The following ZMAT3 variants were observed in gnomAD, a reference collection of about 807,000 sequenced individuals.
ZMAT3 encodes zinc finger matrin-type protein 3.
Under a neutral mutation model 32.3 loss-of-function variants are expected in ZMAT3, and 17 were observed. The ratio of observed to expected loss-of-function variants is 0.53; its 90% confidence interval spans 0.36 to 0.79. The LOEUF (loss-of-function observed/expected upper bound fraction) is 0.79, where lower values mean the gene tolerates loss of function less well. ZMAT3 is among the 30% of genes least tolerant of loss of function. ZMAT3 has a pLI of 0.00. For synonymous variants in ZMAT3, 120 were observed against 133.1 expected, an observed-to-expected ratio of 0.90 and a Z score of 0.68; for missense variants, 329 against 359.7, an observed-to-expected ratio of 0.91 and a Z score of 0.69.
chr3:179,031,242 A>G (rs893119407), intron 2 of ZMAT3, among the ~76,000 whole-genome samples: 5 of 116,858 alleles, frequency 4.3e-5, no homozygotes, highest in Non-Finnish European at 8.4e-5. Context: ...TATGTACAGG[A>G]AAAAAAAAAA....
intron 2 of ZMAT3, among the ~76,000 whole-genome samples, chr3:179,050,696 T>A (rs1720510514): frequency 6.6e-6 from 1 of 152,186 alleles, no homozygotes; most frequent in Non-Finnish European, 1.5e-5. Context: ...ATATCCCTGA[T>A]GAACACAGAT....
At chr3:179,027,968 C>T (rs1013505917) in intron 3 of ZMAT3, among the ~76,000 whole-genome samples, 156 bp from the exon 4 acceptor site, 1 of 152,140 alleles carries the variant, frequency 6.6e-6, no homozygotes, top group Admixed American at 6.5e-5. Flanking sequence ...TCCAGGAAAA[C>T]AAAAAGGCTG....
chr3:179,058,768 AAAAAAG>A (rs887960798), intron 2 of ZMAT3, among the ~76,000 whole-genome samples: 2 of 151,556 alleles, frequency 1.3e-5, no homozygotes, highest in Non-Finnish European at 2.9e-5. Context: ...AAAAAAAAAA[AAAAAAG>A]AAAAAAGAAA....
At chr3:179,026,785 T>G (rs1718899290) in intron 5 of ZMAT3, among the ~76,000 whole-genome samples, 1 of 152,186 alleles carries the variant, frequency 6.6e-6, no homozygotes, top group South Asian at 2.1e-4. Context: ...AAATGACCTC[T>G]GCTGGCATGT....
rs781431185 is a variant in ZMAT3 at position 179,025,976 on chromosome 3, TATA to T, written c.659-751_659-749del. Among the ~76,000 whole-genome samples, 3 of 152,314 alleles carry T rather than the reference TATA, an allele frequency of 2.0e-5. No homozygotes were observed. In the East Asian group the frequency reaches 5.8e-4, roughly 29 times the overall value. On this transcript the variant is annotated intron_variant, in intron 5 of 5. Transcript: ENST00000311417. ...TTAACTTTATGCTTTTCACTTCCAC[TATA>T]ATAATATATAGGTAATACTTTTCTC...
At position 179,027,481 on chromosome 3, in the gene ZMAT3, C is replaced by A. The variant is rs1718932324; in HGVS notation, c.600G>T (p.Gly200=). 1.2e-5 allele frequency: 19 copies of A among 1,614,198 alleles called. No individual in the cohort carries two copies. Among genetic ancestry groups the A allele is most frequent in the Non-Finnish European group, 1.6e-5 (19 of 1,180,032 alleles). The change falls in exon 5 of 6, where the codon GGG becomes GGT. Residue 200 remains glycine (G), a synonymous_variant. Transcript: ENST00000311417. ...ELGQRRARKE[G]NEFKMMPNRR... is the part of the protein sequence containing the mutation. Reference sequence around the variant, plus strand: ...TGTTAGGCATCATCTTAAACTCATTCCCTTCTTTCCTGGCCCGCCGTTGAC... The same window carrying A: ...TGTTAGGCATCATCTTAAACTCATTACCTTCTTTCCTGGCCCGCCGTTGAC...
At chr3:179,041,524 T>C (rs1719927025) in intron 2 of ZMAT3, among the ~76,000 whole-genome samples, 1 of 152,212 alleles carries the variant, frequency 6.6e-6, no homozygotes. Flanking sequence ...AAGATGTTCT[T>C]TGAAACAAAT....
chr3:179,066,420 C>T (rs1005322092), intron 2 of ZMAT3, among the ~76,000 whole-genome samples: 2 of 152,106 alleles, frequency 1.3e-5, no homozygotes, highest in Admixed American at 6.6e-5. Flanking sequence ...AAAATACTTC[C>T]GACATACAAT....
intron 2 of ZMAT3, among the ~76,000 whole-genome samples, chr3:179,037,891 C>G (rs1038465254): frequency 6.6e-5 from 10 of 152,178 alleles, no homozygotes; most frequent in African/African-American, 2.4e-4. Flanking sequence ...GGCAAAGTCT[C>G]TGCCCTCAAG....
chr3:179,033,633 T>A (rs1414584271), intron 2 of ZMAT3, among the ~76,000 whole-genome samples: 1 of 152,150 alleles, frequency 6.6e-6, no homozygotes, highest in Non-Finnish European at 1.5e-5. Context: ...ATGCCACAGA[T>A]AAATATGAAT....
intron 1 of ZMAT3, among the ~76,000 whole-genome samples, chr3:179,070,762 T>G (rs1039811868): frequency 2.0e-5 from 3 of 152,204 alleles, no homozygotes; most frequent in Admixed American, 1.3e-4. Context: ...AATGTCCTGG[T>G]TTGGAAAGGA....
intron 2 of ZMAT3, among the ~76,000 whole-genome samples, chr3:179,052,486 C>CA (rs1720620742): frequency 6.6e-6 from 1 of 152,088 alleles, no homozygotes; most frequent in South Asian, 2.1e-4. Flanking sequence ...ATCAAAAACT[C>CA]AAAAAATAAT....
In ZMAT3 at chr3:179,023,595, G is replaced by A. The variant is rs1471499883; in HGVS notation, c.*1422C>T. 7.0e-6 allele frequency: 1 copy of A among 142,458 alleles called. No homozygotes were observed. Among genetic ancestry groups the A allele is most frequent in the Non-Finnish European group, 1.5e-5 (1 of 66,532 alleles). The allele number at this position is 142,458 out of a possible 1,614,324, so 8.8% of individuals were successfully genotyped here. A position where few individuals can be genotyped will look rare whatever the true frequency, so the allele number is the denominator to read the frequency against. On this transcript the variant is annotated 3_prime_UTR_variant, in exon 6 of 6. Transcript: ENST00000311417. ...AAAATATCAAGCAATCTGAACTTATGGTTTAGATCATGATATAAGCGCATG... is the reference window on the plus strand; with the variant it reads ...AAAATATCAAGCAATCTGAACTTATAGTTTAGATCATGATATAAGCGCATG...
intron 2 of ZMAT3, among the ~76,000 whole-genome samples, chr3:179,036,392 C>CT (rs1246760726): frequency 2.6e-5 from 4 of 152,116 alleles, no homozygotes; most frequent in African/African-American, 4.8e-5. Context: ...CAGGAATGAT[C>CT]TGAATGTGGA....
intron 1 of ZMAT3, among the ~76,000 whole-genome samples, chr3:179,068,801 GTT>G (rs1721558210): frequency 6.6e-6 from 1 of 152,198 alleles, no homozygotes; most frequent in Non-Finnish European, 1.5e-5. Context: ...GGAATATACA[GTT>G]TTGTTTTCAT....
Position 179,067,600 on chromosome 3 carries a change from T to G in ZMAT3, c.153A>C (p.Glu51Asp). The G allele has an allele frequency of 6.2e-7, 1 of 1,614,144 alleles. No individual in the cohort carries two copies. Among genetic ancestry groups the G allele is most frequent in the Non-Finnish European group, 8.5e-7 (1 of 1,180,002 alleles). ...CTTGCTCCCCTCCCTTCGATAACTC[T>G]TCTTCCCCTGCAAGAGGCAAGGAAG... Reference protein sequence around the residue: ...QEASLPLAGEEELSKGGEQDC... With the variant: ...QEASLPLAGEDELSKGGEQDC... Residue 51 changes from glutamate (E) to aspartate (D), a missense_variant, in exon 2 of 6, where the codon GAA becomes GAC. Transcript: ENST00000311417.
At chr3:179,052,287 C>A (rs1185980767) in intron 2 of ZMAT3, among the ~76,000 whole-genome samples, 6 of 152,076 alleles carry the variant, frequency 3.9e-5, no homozygotes, top group Admixed American at 3.9e-4. Flanking sequence ...GGAATTCAAA[C>A]AAATCAGCAA....
intron 2 of ZMAT3, among the ~76,000 whole-genome samples, chr3:179,056,316 C>G (rs575894579): frequency 6.7e-5 from 10 of 149,254 alleles, no homozygotes; most frequent in African/African-American, 2.5e-4. Context: ...ACGGGACAAA[C>G]GGGATAAAAA....
intron 2 of ZMAT3, among the ~76,000 whole-genome samples, chr3:179,051,976 C>T (rs561832773): frequency 2.3e-4 from 35 of 152,112 alleles, no homozygotes; most frequent in African/African-American, 6.3e-4. Flanking sequence ...GCAAGTCGCA[C>T]GTAGAATAAC....
Sources: allele counts gnomAD v4.1 joint callset (sites outside exome capture counted in the v4.1 genomes callset), GRCh38; gene constraint gnomAD v4.1.1; transcripts MANE v1.5; gene names NCBI Gene and HGNC (gene_info 2026-07-23, HGNC 2026-07-21).